The following ASTN2 variants were observed in gnomAD, a reference collection of about 807,000 sequenced individuals.
ASTN2 encodes astrotactin 2, also known as astrotactin-2.
A neutral mutation model predicts 139.8 loss-of-function variants in ASTN2; 54 were observed. The ratio of observed to expected loss-of-function variants is 0.39; its 90% confidence interval spans 0.31 to 0.48. The LOEUF (loss-of-function observed/expected upper bound fraction) is 0.48. ASTN2 is among the 20% of genes least tolerant of loss of function. ASTN2 has a pLI of 0.95. For synonymous variants in ASTN2, 756 were observed against 719.5 expected, an observed-to-expected ratio of 1.05 and a Z score of -0.81; for missense variants, 1,565 against 1,725.1, an observed-to-expected ratio of 0.91 and a Z score of 1.64.
intron 10 of ASTN2, among the ~76,000 whole-genome samples, chr9:116,907,455 G>A (rs1300724335): frequency 6.6e-6 from 1 of 152,174 alleles, no homozygotes. Context: ...CCCAGATCCA[G>A]GAAAAGCTTC....
chr9:116,588,123 T>C (rs1302713460), intron 19 of ASTN2, among the ~76,000 whole-genome samples: 2 of 152,042 alleles, frequency 1.3e-5, no homozygotes, highest in Non-Finnish European at 1.5e-5. Context: ...GCACTGGGCA[T>C]GAAACATGCC....
At chr9:116,953,492 C>T (rs1460247777) in intron 10 of ASTN2, among the ~76,000 whole-genome samples, 1 of 152,208 alleles carries the variant, frequency 6.6e-6, no homozygotes, top group Non-Finnish European at 1.5e-5. Flanking sequence ...CAGAATGAGA[C>T]ACTCATTTTT....
At chr9:116,688,642 C>CG (rs35041669) in intron 16 of ASTN2, among the ~76,000 whole-genome samples, 24,950 of 152,126 alleles carry the variant, frequency 0.16, 2,475 homozygotes, top group Non-Finnish European at 0.23. Flanking sequence ...ACCGGTCCCC[C>CG]GGCCCACTGA....
chr9:116,864,177 C>T (rs953568690), intron 10 of ASTN2, among the ~76,000 whole-genome samples: 6 of 152,142 alleles, frequency 3.9e-5, no homozygotes, highest in Non-Finnish European at 8.8e-5. Flanking sequence ...TTTCAGAGCT[C>T]CCTATAGCAA....
chr9:117,380,042 A>C (rs1587996545), intron 1 of ASTN2, among the ~76,000 whole-genome samples: 1 of 152,318 alleles, frequency 6.6e-6, no homozygotes, highest in South Asian at 2.1e-4. Flanking sequence ...AAGGTTTTAG[A>C]GAACGAGAAA....
intron 19 of ASTN2, chr9:116,584,730 A>G (rs1476561212): frequency 6.6e-6 from 1 of 152,250 alleles, no homozygotes; most frequent in African/African-American, 2.4e-5. Context: ...AAAGTCATCC[A>G]AATTGGAAAG....
intron 1 of ASTN2, among the ~76,000 whole-genome samples, chr9:117,321,917 A>C (rs555091360): frequency 6.6e-6 from 1 of 152,302 alleles, no homozygotes; most frequent in African/African-American, 2.4e-5. Flanking sequence ...CTTTAGGAGA[A>C]AAATCACCTC....
chr9:116,655,873 TTTGTTG>T (rs1554726447), intron 16 of ASTN2, among the ~76,000 whole-genome samples: 14 of 151,360 alleles, frequency 9.2e-5, no homozygotes, highest in Admixed American at 2.0e-4. Context: ...TCTTGTGTTT[TTTGTTG>T]TTGTTGTTGT....
At chr9:116,773,820 CT>C (rs770188616) in intron 13 of ASTN2, among the ~76,000 whole-genome samples, 11 of 152,062 alleles carry the variant, frequency 7.2e-5, no homozygotes, top group East Asian at 3.9e-4. Context: ...ATTGTAAAGA[CT>C]TTTTTTTCCC....
chr9:116,993,069 T>C (rs1436850420), intron 7 of ASTN2, among the ~76,000 whole-genome samples: 2 of 152,176 alleles, frequency 1.3e-5, no homozygotes, highest in East Asian at 3.9e-4. Context: ...AAAATAGAAG[T>C]TAGATGACGT....
At chr9:116,886,429 C>A (rs1833598119) in intron 10 of ASTN2, among the ~76,000 whole-genome samples, 1 of 152,200 alleles carries the variant, frequency 6.6e-6, no homozygotes, top group African/African-American at 2.4e-5. Context: ...GGTTTCACTG[C>A]AGTGGTGCGA....
chr9:117,180,508 C>T (rs1257844626), intron 3 of ASTN2: 3 of 612,172 alleles, frequency 4.9e-6, no homozygotes, highest in African/African-American at 3.7e-5. Flanking sequence ...ATTTGAATGC[C>T]ATTTCCTCTG....
intron 10 of ASTN2, among the ~76,000 whole-genome samples, chr9:116,877,665 G>T (rs989390329): frequency 6.6e-6 from 1 of 152,240 alleles, no homozygotes; most frequent in South Asian, 2.1e-4. Context: ...CCAGCCTGTG[G>T]TATGGTGAGG....
chr9:117,034,542 A>G (rs984399655), intron 6 of ASTN2, among the ~76,000 whole-genome samples: 5 of 152,176 alleles, frequency 3.3e-5, no homozygotes, highest in Non-Finnish European at 5.9e-5. Context: ...TGAAGAAGTG[A>G]TCACATATGT....
chr9:116,968,918 T>C (rs1300140265), intron 10 of ASTN2, among the ~76,000 whole-genome samples: 2 of 133,134 alleles, frequency 1.5e-5, no homozygotes, highest in African/African-American at 5.4e-5. Flanking sequence ...AAAAAAAAAG[T>C]TCCTCCTTAG....
At chr9:116,564,787 T>C (rs1853099260) in intron 19 of ASTN2, among the ~76,000 whole-genome samples, 1 of 147,422 alleles carries the variant, frequency 6.8e-6, no homozygotes, top group Non-Finnish European at 1.5e-5. Context: ...CATTCATGGA[T>C]TCATTTATTC....
intron 3 of ASTN2, among the ~76,000 whole-genome samples, chr9:117,212,775 A>T (rs575584743): frequency 2.6e-5 from 4 of 152,324 alleles, no homozygotes; most frequent in Admixed American, 6.5e-5. Flanking sequence ...ATTATAAAAA[A>T]GTCAAAAATA....
chr9:117,070,099 T>C (rs1349801465), intron 5 of ASTN2, among the ~76,000 whole-genome samples: 1 of 146,048 alleles, frequency 6.8e-6, no homozygotes, highest in Admixed American at 6.9e-5. Context: ...AGTTTCTTCC[T>C]AGTCTCGATG....
chr9:116,927,226 C>T (rs777666576), intron 10 of ASTN2, among the ~76,000 whole-genome samples: 53 of 152,144 alleles, frequency 3.5e-4, no homozygotes, highest in Non-Finnish European at 5.6e-4. Flanking sequence ...CACCACCTCC[C>T]TCATCAGAAC....
Sources: gnomAD v4.1 joint callset for allele counts (sites outside exome capture counted in the v4.1 genomes callset) on GRCh38, gnomAD v4.1.1 for gene constraint, MANE v1.5 for transcripts, NCBI Gene and HGNC (gene_info 2026-07-23, HGNC 2026-07-21) for gene names.